Variants in FRMD3 observed in about 807,000 individuals in gnomAD.
The protein encoded by FRMD3 is FERM domain containing 3.
Under a neutral mutation model 70.2 loss-of-function variants are expected in FRMD3, and 33 were observed. The observed-to-expected ratio is 0.47, with a 90% CI of 0.36 to 0.63. The LOEUF (loss-of-function observed/expected upper bound fraction) is 0.63. FRMD3 is among the 20% of genes least tolerant of loss of function. The probability of loss-of-function intolerance (pLI) is 0.00; values close to 1 mark genes in which losing one functional copy is unlikely to be tolerated. For missense variants in FRMD3, 632 were observed against 711.4 expected, an observed-to-expected ratio of 0.89 and a Z score of 1.27; for synonymous variants, 279 against 255.9, an observed-to-expected ratio of 1.09 and a Z score of -0.86.
At chr9:83,326,162 A>G (rs2131106536) in intron 6 of FRMD3, among the ~76,000 whole-genome samples, 1 of 152,330 alleles carries the variant, frequency 6.6e-6, no homozygotes, top group East Asian at 1.9e-4. Context: ...CTGTAAAAAG[A>G]GTACCTACCT....
At chr9:83,450,894 G>A (rs1195244194) in intron 1 of FRMD3, among the ~76,000 whole-genome samples, 2 of 152,188 alleles carry the variant, frequency 1.3e-5, no homozygotes, top group African/African-American at 4.8e-5. Context: ...GAGGAAGGGT[G>A]AGCTTTCTGA....
At chr9:83,301,296 C>T (rs1412788778) in intron 10 of FRMD3, among the ~76,000 whole-genome samples, 1 of 152,134 alleles carries the variant, frequency 6.6e-6, no homozygotes, top group Non-Finnish European at 1.5e-5. Flanking sequence ...ATCTGCACCC[C>T]CTAAAACTCC....
chr9:83,477,289 T>C (rs1298718728), intron 1 of FRMD3, among the ~76,000 whole-genome samples: 1 of 152,144 alleles, frequency 6.6e-6, no homozygotes, highest in African/African-American at 2.4e-5. Flanking sequence ...ATGCAAGAAA[T>C]GATTCGACTG....
At chr9:83,560,847 A>G in the FRMD3 span, among the ~76,000 whole-genome samples, 10 of 152,184 alleles carry the variant, frequency 6.6e-5, no homozygotes, top group African/African-American at 2.4e-4. Context: ...GATAACCTAT[A>G]TGATGACAAT....
chr9:83,275,401 C>A (rs571214704), intron 13 of FRMD3, among the ~76,000 whole-genome samples: 7 of 152,186 alleles, frequency 4.6e-5, no homozygotes, highest in Non-Finnish European at 1.0e-4. Flanking sequence ...GATCCCCAGC[C>A]TAGGCAGCAA....
intron 13 of FRMD3, among the ~76,000 whole-genome samples, chr9:83,274,220 TTG>T (rs1833716965): frequency 1.3e-5 from 2 of 152,208 alleles, no homozygotes; most frequent in South Asian, 4.1e-4. Context: ...ACTCTGGATT[TTG>T]TGTTTTACTC....
At chr9:83,328,284 G>A (rs1836103174) in intron 6 of FRMD3, among the ~76,000 whole-genome samples, 1 of 152,124 alleles carries the variant, frequency 6.6e-6, no homozygotes, top group African/African-American at 2.4e-5. Flanking sequence ...TTTTAAAGAG[G>A]CACTGCTGCT....
intron 13 of FRMD3, among the ~76,000 whole-genome samples, chr9:83,253,039 A>G (rs1288372440): frequency 1.3e-5 from 2 of 152,234 alleles, no homozygotes; most frequent in Non-Finnish European, 2.9e-5. Flanking sequence ...GTAGATATCT[A>G]CAGAAATCTC....
At chr9:83,437,336 C>T (rs935725790) in intron 1 of FRMD3, among the ~76,000 whole-genome samples, 3 of 152,156 alleles carry the variant, frequency 2.0e-5, no homozygotes, top group Non-Finnish European at 1.5e-5. Context: ...TTTATCTCAG[C>T]ATTGTTTAGT....
At position 83,538,298 on chromosome 9, in the gene FRMD3, C is replaced by T; in HGVS notation, c.-67G>A. The T allele has an allele frequency of 6.8e-7, 1 of 1,478,968 alleles. No homozygotes were observed. The highest frequency in any genetic ancestry group is 9.1e-7 in the Non-Finnish European group (1 of 1,102,522). The allele number at this position is 1,478,968 out of a possible 1,614,324, so 91.6% of individuals were successfully genotyped here. A position where few individuals can be genotyped will look rare whatever the true frequency, so the allele number is the denominator to read the frequency against. On this transcript the variant is annotated 5_prime_UTR_variant, in exon 1 of 14. It adds an upstream start codon to the 5' untranslated region. Transcript: ENST00000304195. This position sits in a 1 kb window ranked among gnomAD's most constrained non-coding sequence, Gnocchi z 4.7. ...CGCGGTGCTCGCCTGCGCGGACACACACGCTCGCACGCACTGTCCGGGACA... is the reference window on the plus strand; with the variant it reads ...CGCGGTGCTCGCCTGCGCGGACACATACGCTCGCACGCACTGTCCGGGACA...
rs188510339 is a variant in FRMD3, at chr9:83,348,693, C to T, written c.374+986G>A. On this transcript the variant is annotated intron_variant, in intron 4 of 13. Coordinates refer to ENST00000304195, the MANE Select transcript of FRMD3 (RefSeq NM_174938.6). ...GCAAAATCCCAACCACTGCTTATAACGTCCATTATCTATTACCCTCATTTC... is the reference window on the plus strand; with the variant it reads ...GCAAAATCCCAACCACTGCTTATAATGTCCATTATCTATTACCCTCATTTC... 2.3e-3 allele frequency among the ~76,000 whole-genome samples: 353 copies of T among 152,204 alleles called. 1 individual carries two copies. Among genetic ancestry groups the T allele is most frequent in the Non-Finnish European group, 3.9e-3 (266 of 68,010 alleles).
intron 6 of FRMD3, among the ~76,000 whole-genome samples, chr9:83,334,572 T>G (rs999971299): frequency 6.6e-6 from 1 of 152,186 alleles, no homozygotes; most frequent in Non-Finnish European, 1.5e-5. Context: ...GTTCTTGCAG[T>G]TTTTCATCAA....
chr9:83,567,173 G>A, the FRMD3 span, among the ~76,000 whole-genome samples: 1,005 of 152,262 alleles, frequency 6.6e-3, 10 homozygotes, highest in African/African-American at 0.023. Flanking sequence ...TCAACACCAC[G>A]TGGAAGCTGC....
intron 1 of FRMD3, among the ~76,000 whole-genome samples, chr9:83,484,492 T>A (rs4120051): frequency 0.71 from 107,915 of 152,050 alleles, 38,941 homozygotes; most frequent in African/African-American, 0.84. Context: ...ATCTCGGCTC[T>A]CTGTAACTTC....
chr9:83,571,886 C>T, the FRMD3 span, among the ~76,000 whole-genome samples: 9 of 152,310 alleles, frequency 5.9e-5, no homozygotes, highest in South Asian at 4.1e-4. Context: ...AACAACTATA[C>T]GTAAACAGTG....
chr9:83,476,324 C>T (rs2131467467), intron 1 of FRMD3, among the ~76,000 whole-genome samples: 1 of 148,618 alleles, frequency 6.7e-6, no homozygotes, highest in Non-Finnish European at 1.5e-5. Flanking sequence ...GCAGAGGTTG[C>T]AGTGAGCCAA....
At chr9:83,378,513 ATATACATATAAAATTTATATATAT>A (rs1333701181) in intron 2 of FRMD3, among the ~76,000 whole-genome samples, 7 of 80,890 alleles carry the variant, frequency 8.7e-5, no homozygotes, top group Admixed American at 2.4e-4. Context: ...TATATATATA[ATATACATATAAAATTTATATATAT>A]AATATACATA....
chr9:83,525,494 G>T lies in FRMD3; in HGVS notation c.147+12591C>A, dbSNP rs182350304. 3.3e-5 allele frequency among the ~76,000 whole-genome samples: 5 copies of T among 152,248 alleles called. No individual in the cohort carries two copies. The East Asian group carries it at 9.6e-4, about 29-fold the overall frequency. On this transcript the variant is annotated intron_variant, in intron 1 of 13. Coordinates refer to ENST00000304195, the MANE Select transcript of FRMD3 (RefSeq NM_174938.6). ...GAGATATAAATAAATACTAAATAAA[G>T]ATAAATTATTGCAGCATAACTTGCA...
intron 6 of FRMD3, among the ~76,000 whole-genome samples, chr9:83,331,607 C>T (rs886802330): frequency 3.3e-5 from 5 of 152,200 alleles, no homozygotes; most frequent in Admixed American, 1.3e-4. Context: ...TATAATGTAT[C>T]AATGTAGGCT....
Sources: gnomAD v4.1 joint callset for allele counts (sites outside exome capture counted in the v4.1 genomes callset) on GRCh38, gnomAD v4.1.1 for gene constraint, Gnocchi (gnomAD v3.1) non-coding constraint, MANE v1.5 for transcripts, NCBI Gene and HGNC (gene_info 2026-07-23, HGNC 2026-07-21) for gene names.